Variants in ZDHHC11B observed in about 807,000 individuals in gnomAD.
The protein encoded by ZDHHC11B is zDHHC palmitoyltransferase 11B (putative), also known as probable palmitoyltransferase ZDHHC11B.
Under a neutral mutation model 42.3 loss-of-function variants are expected in ZDHHC11B, and 17 were observed. The observed-to-expected ratio is 0.40, with a 90% CI of 0.27 to 0.60. The LOEUF is 0.60. Among genes scored for constraint, ZDHHC11B ranks in the 20% least tolerant of loss-of-function variants. The pLI, the probability that ZDHHC11B is intolerant of heterozygous loss-of-function variation, is 0.41. For synonymous variants in ZDHHC11B, 123 were observed against 193.5 expected, an observed-to-expected ratio of 0.64 and a Z score of 3.02; for missense variants, 262 against 463.2, an observed-to-expected ratio of 0.57 and a Z score of 3.99.
rs2878470 is a variant in ZDHHC11B at position 751,676 on chromosome 5, T to C, written c.504-419A>G. ...GAGAGGGCTCCTGGCCACTGCCCGATGCTGGCCTCAAACCCTGCTCCCGAC... is the reference window on the plus strand; with the variant it reads ...GAGAGGGCTCCTGGCCACTGCCCGACGCTGGCCTCAAACCCTGCTCCCGAC... On this transcript the variant is annotated intron_variant, in intron 6 of 13. Transcript: ENST00000508859. Among the ~76,000 whole-genome samples, 82 of 128,046 alleles carry C rather than the reference T, an allele frequency of 6.4e-4. 7 individuals carry two copies. Among genetic ancestry groups the C allele is most frequent in the African/African-American group, 1.1e-3 (42 of 39,408 alleles). 84.0% of individuals were successfully genotyped at this position (128,046 alleles called of 152,430 possible). A position where few individuals can be genotyped will look rare whatever the true frequency, so the allele number is the denominator to read the frequency against.
chr5:717,695 A>T (rs375664651), intron 12 of ZDHHC11B, among the ~76,000 whole-genome samples: 99 of 151,946 alleles, frequency 6.5e-4, no homozygotes, highest in African/African-American at 2.3e-3. Flanking sequence ...TGGATCAGAA[A>T]TGATGACTCC....
In ZDHHC11B at chr5:716,794, A is replaced by G. The variant is rs1348245127; in HGVS notation, c.*7+7T>C. On this transcript the variant is annotated splice_region_variant and intron_variant, in intron 13 of 13. Coordinates refer to ENST00000508859, the MANE Select transcript of ZDHHC11B (RefSeq NM_001351303.2). ...TTCAACATGACCTGCACTGCCACGTATCTTACCCGAATCTCAGTCTTCACT... is the reference window on the plus strand; with the variant it reads ...TTCAACATGACCTGCACTGCCACGTGTCTTACCCGAATCTCAGTCTTCACT... 9 of 1,612,880 alleles carry G rather than the reference A, an allele frequency of 5.6e-6. No individual in the cohort carries two copies. The highest frequency in any genetic ancestry group is 6.8e-6 in the Non-Finnish European group (8 of 1,179,528).
At chr5:778,469 A>G (rs1257786470) in intron 1 of ZDHHC11B, among the ~76,000 whole-genome samples, 1 of 150,744 alleles carries the variant, frequency 6.6e-6, no homozygotes, top group Non-Finnish European at 1.5e-5. Flanking sequence ...AGAGCAGGTT[A>G]CAGAACACTG....
chr5:739,198 A>C (rs2127031226), intron 10 of ZDHHC11B, among the ~76,000 whole-genome samples: 1 of 150,956 alleles, frequency 6.6e-6, no homozygotes, highest in East Asian at 2.0e-4. Flanking sequence ...CAAGAGTTCA[A>C]GACCAGCCTG....
At chr5:739,021 G>A (rs1743849055) in intron 10 of ZDHHC11B, among the ~76,000 whole-genome samples, 6 of 150,656 alleles carry the variant, frequency 4.0e-5, no homozygotes, top group Admixed American at 4.0e-4. Flanking sequence ...CCAGGGATAG[G>A]AAGAAAATAT....
At chr5:743,507 T>C (rs1324777709) in intron 9 of ZDHHC11B, among the ~76,000 whole-genome samples, 3 of 148,416 alleles carry the variant, frequency 2.0e-5, no homozygotes, top group Admixed American at 6.9e-5. Context: ...TTGGGGAAAA[T>C]TGCCCTTTTA....
intron 1 of ZDHHC11B, among the ~76,000 whole-genome samples, chr5:771,717 T>A (rs1325024092): frequency 6.6e-6 from 1 of 151,538 alleles, no homozygotes; most frequent in South Asian, 2.1e-4. Flanking sequence ...GAAGCAATGG[T>A]GGGTTTTGTG....
chr5:766,446 G>A (rs1459954209), intron 4 of ZDHHC11B, among the ~76,000 whole-genome samples: 2 of 151,908 alleles, frequency 1.3e-5, no homozygotes, highest in African/African-American at 4.8e-5. Context: ...GTCAGTGGCT[G>A]CTCTGTCCAC....
At chr5:749,707 C>T (rs1745354852) in intron 7 of ZDHHC11B, among the ~76,000 whole-genome samples, 1 of 130,200 alleles carries the variant, frequency 7.7e-6, no homozygotes, top group Non-Finnish European at 1.7e-5. Context: ...GTGGAAGCAG[C>T]ATGTTCCAGG....
At chr5:714,522 T>G (rs57885185) in intron 13 of ZDHHC11B, among the ~76,000 whole-genome samples, 4 of 130,094 alleles carry the variant, frequency 3.1e-5, no homozygotes, top group African/African-American at 1.2e-4. Context: ...GCTAATTCAT[T>G]TCGAAAGCAC....
At chr5:779,127 C>T (rs1736777340) in intron 1 of ZDHHC11B, among the ~76,000 whole-genome samples, 1 of 151,416 alleles carries the variant, frequency 6.6e-6, no homozygotes, top group Non-Finnish European at 1.5e-5. Context: ...CACACACAGA[C>T]TAACACAGTC....
intron 1 of ZDHHC11B, among the ~76,000 whole-genome samples, chr5:774,091 C>T (rs1268809743): frequency 4.6e-5 from 7 of 152,008 alleles, no homozygotes; most frequent in East Asian, 3.9e-4. Flanking sequence ...GCCACCTAGG[C>T]GGGGCTTCGT....
intron 1 of ZDHHC11B, among the ~76,000 whole-genome samples, chr5:773,521 A>C (rs1736223664): frequency 6.6e-6 from 1 of 151,674 alleles, no homozygotes; most frequent in African/African-American, 2.4e-5. Context: ...ACCATCCCAC[A>C]TGTGCCCTGC....
At chr5:775,698 G>C (rs1289553339) in intron 1 of ZDHHC11B, among the ~76,000 whole-genome samples, 1 of 151,820 alleles carries the variant, frequency 6.6e-6, no homozygotes, top group Non-Finnish European at 1.5e-5. Flanking sequence ...TCTAACCCTG[G>C]AGACGCCGCC....
intron 7 of ZDHHC11B, among the ~76,000 whole-genome samples, chr5:749,053 C>G (rs1745248713): frequency 8.8e-6 from 1 of 113,230 alleles, no homozygotes; most frequent in African/African-American, 2.7e-5. Flanking sequence ...GTGCCAGGGT[C>G]ACAGTGCCCA....
intron 4 of ZDHHC11B, among the ~76,000 whole-genome samples, 179 bp downstream of exon 4, chr5:766,518 AG>A (rs1189060621): frequency 2.0e-5 from 3 of 151,814 alleles, no homozygotes; most frequent in African/African-American, 7.3e-5. Flanking sequence ...GACCCTGAGC[AG>A]GGGCTGCACA....
intron 1 of ZDHHC11B, among the ~76,000 whole-genome samples, chr5:775,923 G>C (rs1736437260): frequency 6.9e-6 from 1 of 145,802 alleles, no homozygotes; most frequent in Non-Finnish European, 1.5e-5. Context: ...CTGGTGACAG[G>C]AGCTGTCCCA....
chr5:719,828 A>C (rs1192982306), intron 12 of ZDHHC11B, among the ~76,000 whole-genome samples: 1 of 151,738 alleles, frequency 6.6e-6, no homozygotes, highest in Non-Finnish European at 1.5e-5. Flanking sequence ...CAGTCCAATA[A>C]TATTAAATGG....
At chr5:722,387 G>C (rs539360736) in intron 12 of ZDHHC11B, among the ~76,000 whole-genome samples, 1 of 151,510 alleles carries the variant, frequency 6.6e-6, no homozygotes, top group Non-Finnish European at 1.5e-5. Context: ...TGGAAAAATG[G>C]ACTAGGGACA....
Sources: allele counts gnomAD v4.1 joint callset (sites outside exome capture counted in the v4.1 genomes callset), GRCh38; gene constraint gnomAD v4.1.1; transcripts MANE v1.5; gene names NCBI Gene and HGNC (gene_info 2026-07-23, HGNC 2026-07-21).